The following AGPS variants were observed in gnomAD, a reference collection of about 807,000 sequenced individuals.
AGPS encodes alkyldihydroxyacetonephosphate synthase, peroxisomal.
AGPS carries 26 observed loss-of-function variants against 90.7 expected under a neutral mutation model. The observed-to-expected ratio is 0.29, with a 90% CI of 0.21 to 0.40. The LOEUF (loss-of-function observed/expected upper bound fraction) is 0.40, where lower values mean the gene tolerates loss of function less well. Among genes scored for constraint, AGPS ranks in the 10% least tolerant of loss-of-function variants. The pLI is 1.00. For missense variants in AGPS, 540 were observed against 816.1 expected, an observed-to-expected ratio of 0.66 and a Z score of 4.12; for synonymous variants, 294 against 285.3, an observed-to-expected ratio of 1.03 and a Z score of -0.31.
At chr2:177,441,092 T>A in intron 6 of AGPS, 56 bp downstream of exon 6, 1 of 1,357,612 alleles carries the variant, frequency 7.4e-7, no homozygotes, top group Non-Finnish European at 1.0e-6. Flanking sequence ...TTAAAATATT[T>A]GTATTTTAAA....
At position 177,539,188 on chromosome 2, in the gene AGPS, A is replaced by T. The variant is rs1427849702; in HGVS notation, c.*993A>T. On this transcript the variant is annotated 3_prime_UTR_variant, in exon 20 of 20. Coordinates refer to ENST00000264167, the MANE Select transcript of AGPS (RefSeq NM_003659.4). Reference sequence around the variant, plus strand: ...TGACAAAAATCATTTTTGATTTTTTAAAATTAATCCCAATGGCATGATAAA... The same window carrying T: ...TGACAAAAATCATTTTTGATTTTTTTAAATTAATCCCAATGGCATGATAAA... The T allele has an allele frequency of 6.6e-6, 1 of 152,112 alleles. No individual in the cohort carries two copies. The highest frequency in any genetic ancestry group is 1.5e-5 in the Non-Finnish European group (1 of 67,938). 9.4% of individuals were successfully genotyped at this position (152,112 alleles called of 1,614,324 possible).
intron 8 of AGPS, among the ~76,000 whole-genome samples, chr2:177,448,043 T>C (rs1451164711): frequency 6.6e-6 from 1 of 152,172 alleles, no homozygotes; most frequent in African/African-American, 2.4e-5. Context: ...CTTTGGCTAC[T>C]TTTATTGGTT....
In AGPS at chr2:177,400,476, C is replaced by T. The variant is rs1267792381; in HGVS notation, c.260+7427C>T. ...CTCTTAAGCATTTGTATATTTAATT[C>T]TGGATCTTTCAGTAGTTGAAATACG... On this transcript the variant is annotated intron_variant, in intron 1 of 19. Coordinates refer to ENST00000264167, the MANE Select transcript of AGPS (RefSeq NM_003659.4). 5.3e-5 allele frequency among the ~76,000 whole-genome samples: 8 copies of T among 152,116 alleles called. No homozygotes were observed. The South Asian group carries it at 1.2e-3, about 24-fold the overall frequency.
intron 15 of AGPS, among the ~76,000 whole-genome samples, chr2:177,506,124 G>T (rs1308593733): frequency 2.6e-5 from 4 of 151,686 alleles, no homozygotes; most frequent in Admixed American, 1.3e-4. Context: ...ATATGAAATT[G>T]TTCTTTTGAA....
intron 5 of AGPS, among the ~76,000 whole-genome samples, chr2:177,439,197 G>T (rs1243161796): frequency 6.6e-6 from 1 of 152,184 alleles, no homozygotes; most frequent in African/African-American, 2.4e-5. Flanking sequence ...CTAGGTAGTT[G>T]AGGATAAGCA....
rs766950054 is a variant in AGPS at position 177,434,291 on chromosome 2, C to T, written c.351-36C>T. The T allele has an allele frequency of 4.1e-6, 6 of 1,455,714 alleles. No individual in the cohort carries two copies. In the African/African-American group the frequency reaches 7.0e-5, roughly 17 times the overall value. 90.2% of individuals were successfully genotyped at this position (1,455,714 alleles called of 1,614,324 possible). On this transcript the variant is annotated intron_variant, in intron 2 of 19. Transcript: ENST00000264167. Reference sequence around the variant, plus strand: ...TAAGCTTTAAATTTAAATGAAGATACTTTGCTCTAATATTTTTACTTTCTT... The same window carrying T: ...TAAGCTTTAAATTTAAATGAAGATATTTTGCTCTAATATTTTTACTTTCTT...
intron 3 of AGPS, among the ~76,000 whole-genome samples, chr2:177,435,457 T>G (rs1686378443): frequency 6.6e-6 from 1 of 152,164 alleles, no homozygotes; most frequent in Non-Finnish European, 1.5e-5. Context: ...ATACTATAGT[T>G]AGAAATTTCA....
At position 177,528,370 on chromosome 2, in the gene AGPS, A is replaced by T. The variant is rs566442926; in HGVS notation, c.1855+4565A>T. 5.9e-5 allele frequency among the ~76,000 whole-genome samples: 9 copies of T among 152,334 alleles called. No homozygotes were observed. The South Asian group carries it at 1.9e-3, about 32-fold the overall frequency. On this transcript the variant is annotated intron_variant, in intron 19 of 19. Coordinates refer to ENST00000264167, the MANE Select transcript of AGPS (RefSeq NM_003659.4). ...AAACTCCTTATCATGACCTTCAAGG[A>T]TACATTGTATATCACTCTGTCCTCA...
intron 17 of AGPS, among the ~76,000 whole-genome samples, chr2:177,516,099 G>T (rs967236242): frequency 6.6e-6 from 1 of 152,074 alleles, no homozygotes; most frequent in Non-Finnish European, 1.5e-5. Flanking sequence ...CGTGTGCATA[G>T]ACCCCCATAT....
chr2:177,417,112 A>T (rs749441967), intron 1 of AGPS, among the ~76,000 whole-genome samples: 3 of 152,174 alleles, frequency 2.0e-5, no homozygotes, highest in Non-Finnish European at 4.4e-5. Flanking sequence ...CCTTCAGCTG[A>T]AGTGCAGAAG....
chr2:177,431,943 T>C (rs1208953317), intron 2 of AGPS, among the ~76,000 whole-genome samples: 1 of 151,994 alleles, frequency 6.6e-6, no homozygotes, highest in African/African-American at 2.4e-5. Context: ...ATTATAAGAG[T>C]ATTAATTTTG....
rs1224416609 is a variant in AGPS at position 177,507,990 on chromosome 2, T to C, written c.1566T>C (p.Tyr522=). 1.2e-6 allele frequency: 2 copies of C among 1,613,128 alleles called. No individual in the cohort carries two copies. Among genetic ancestry groups the C allele is most frequent in the Non-Finnish European group, 1.7e-6 (2 of 1,179,132 alleles). The change falls in exon 16 of 20, where the codon TAT becomes TAC. Residue 522 remains tyrosine, a synonymous_variant. Coordinates refer to ENST00000264167, the MANE Select transcript of AGPS (RefSeq NM_003659.4). The part of the protein sequence containing the change: ...AYIRDLALEY[Y]VLGESFETSA... ...AATAGGACTTGGCTTTGGAATACTATGTATTAGGAGAATCTTTTGAGACTT... is the reference window on the plus strand; with the variant it reads ...AATAGGACTTGGCTTTGGAATACTACGTATTAGGAGAATCTTTTGAGACTT...
intron 1 of AGPS, among the ~76,000 whole-genome samples, chr2:177,400,801 A>G (rs1476996331): frequency 2.0e-5 from 3 of 152,232 alleles, no homozygotes; most frequent in Non-Finnish European, 4.4e-5. Context: ...CAGGTATCCC[A>G]GGACCTTAGA....
chr2:177,507,235 T>C (rs1194776409), intron 15 of AGPS, among the ~76,000 whole-genome samples: 1 of 152,146 alleles, frequency 6.6e-6, no homozygotes, highest in Non-Finnish European at 1.5e-5. Context: ...TTACTTGAAG[T>C]GAAAACTTAA....
chr2:177,527,292 G>C (rs1049147378), intron 19 of AGPS, among the ~76,000 whole-genome samples: 10 of 151,978 alleles, frequency 6.6e-5, no homozygotes, highest in African/African-American at 2.4e-4. Flanking sequence ...GCTGGGCATG[G>C]TAGCATGTAC....
chr2:177,520,698 A>C (rs1689160432), intron 17 of AGPS, among the ~76,000 whole-genome samples: 1 of 152,242 alleles, frequency 6.6e-6, no homozygotes, highest in African/African-American at 2.4e-5. Flanking sequence ...ATTGTGCATA[A>C]AATTTGTTAA....
intron 11 of AGPS, among the ~76,000 whole-genome samples, chr2:177,482,963 C>G (rs1573998733): frequency 6.6e-6 from 1 of 152,088 alleles, no homozygotes; most frequent in East Asian, 1.9e-4. Flanking sequence ...GGAATGTACT[C>G]TAGCCTCTCT....
At chr2:177,466,629 G>A (rs1687456020) in intron 9 of AGPS, among the ~76,000 whole-genome samples, 1 of 152,248 alleles carries the variant, frequency 6.6e-6, no homozygotes. Flanking sequence ...GGTGCCCAAA[G>A]TCTGGAGGGG....
At chr2:177,461,782 A>T (rs1687300420) in intron 8 of AGPS, 111 bp from the exon 9 acceptor site, 1 of 968,644 alleles carries the variant, frequency 1.0e-6, no homozygotes, top group African/African-American at 1.7e-5. Flanking sequence ...AGGAATTAAT[A>T]AATTCAAATA....
Sources: allele counts gnomAD v4.1 joint callset (sites outside exome capture counted in the v4.1 genomes callset), GRCh38; gene constraint gnomAD v4.1.1; transcripts MANE v1.5; gene names NCBI Gene and HGNC (gene_info 2026-07-23, HGNC 2026-07-21).